SLC19A1: variants seen among roughly 807,000 people sequenced by gnomAD.
The protein encoded by SLC19A1 is reduced folate transporter.
A neutral mutation model predicts 35.3 loss-of-function variants in SLC19A1; 37 were observed. The observed-to-expected ratio is 1.05, with a 90% CI of 0.81 to 1.38. The LOEUF is 1.38. SLC19A1 is among the 40% of genes most tolerant of loss of function. The pLI is 0.00. For missense variants in SLC19A1, 831 were observed against 826.9 expected, an observed-to-expected ratio of 1.00 and a Z score of -0.06; for synonymous variants, 460 against 398.5, an observed-to-expected ratio of 1.15 and a Z score of -1.84.
chr21:45,535,591 G>T (rs2078083738), intron 2 of SLC19A1, among the ~76,000 whole-genome samples: 1 of 152,210 alleles, frequency 6.6e-6, no homozygotes, highest in Non-Finnish European at 1.5e-5. Flanking sequence ...AACGTGGGCA[G>T]CCCGTGGCAG....
chr21:45,518,650 A>G (rs994681533), intron 5 of SLC19A1, among the ~76,000 whole-genome samples: 1 of 152,228 alleles, frequency 6.6e-6, no homozygotes, highest in South Asian at 2.1e-4. Flanking sequence ...AGCAATTTGA[A>G]TAACAGTAAT....
At chr21:45,550,380 G>T (rs1157205921) in intron 1 of SLC19A1, among the ~76,000 whole-genome samples, 1 of 152,174 alleles carries the variant, frequency 6.6e-6, no homozygotes, top group African/African-American at 2.4e-5. Context: ...TGGAGATGGG[G>T]TCTTCTGTGC....
intron 1 of SLC19A1, among the ~76,000 whole-genome samples, chr21:45,539,425 C>T (rs564067188): frequency 1.3e-5 from 2 of 152,250 alleles, no homozygotes; most frequent in Non-Finnish European, 2.9e-5. Flanking sequence ...CGCCACAGGG[C>T]CGGCTTGGGA....
chr21:45,527,234 T>TG (rs1266379629), intron 4 of SLC19A1, among the ~76,000 whole-genome samples: 14 of 37,788 alleles, frequency 3.7e-4, no homozygotes, highest in East Asian at 1.6e-3. Flanking sequence ...GAGTGGCAAT[T>TG]GGGGGGGAGG....
intron 1 of SLC19A1, among the ~76,000 whole-genome samples, chr21:45,555,148 TGCAGGGGGCG>T: frequency 1.6e-5 from 1 of 64,104 alleles, no homozygotes; most frequent in Admixed American, 1.7e-4. Flanking sequence ...CAGGGGGCGG[TGCAGGGGGCG>T]GCGGGGGCGG....
chr21:45,543,500 G>A (rs2078372737), upstream of SLC19A1, among the ~76,000 whole-genome samples: 1 of 152,226 alleles, frequency 6.6e-6, no homozygotes, highest in South Asian at 2.1e-4. Flanking sequence ...CCGGAGTGTA[G>A]ACAGCACAAT....
rs1330547389 is a variant in SLC19A1 at position 45,515,025 on chromosome 21, C to T, written c.*633G>A. On this transcript the variant is annotated 3_prime_UTR_variant, in exon 6 of 6. Transcript: ENST00000311124. ...ACAGACAGGACCATGGAGGGCTGCC[C>T]TTAGGGTGGGAGAGAGGAACCAGCT... The T allele has an allele frequency of 6.5e-7, 1 of 1,539,074 alleles. No homozygotes were observed. Among genetic ancestry groups the T allele is most frequent in the South Asian group, 1.2e-5 (1 of 81,860 alleles).
At chr21:45,544,679 C>T (rs940998388), upstream of SLC19A1, among the ~76,000 whole-genome samples, 4 of 152,138 alleles carry the variant, frequency 2.6e-5, no homozygotes, top group Admixed American at 1.3e-4. Flanking sequence ...GTGTGGATCC[C>T]GGCCCTCCAG....
intron 4 of SLC19A1, among the ~76,000 whole-genome samples, chr21:45,528,790 GGAGTGACCACCTGCATCTGT>G (rs1286932460): frequency 6.6e-6 from 1 of 152,172 alleles, no homozygotes; most frequent in Non-Finnish European, 1.5e-5. Flanking sequence ...CTCATGACCG[GGAGTGACCACCTGCATCTGT>G]GAGTGACCAT....
In SLC19A1 at chr21:45,537,931, T is replaced by C. The variant is rs1214901350; in HGVS notation, c.29A>G (p.Lys10Arg). The change falls in exon 2 of 6, where the codon AAG (lysine) becomes AGG (arginine). Residue 10 changes from lysine to arginine, a missense_variant. By Grantham distance (26) the Lys-to-Arg change is conservative (BLOSUM62 2). Coordinates refer to ENST00000311124, the MANE Select transcript of SLC19A1 (RefSeq NM_194255.4). Reference sequence around the variant, plus strand: ...AGGCCCAGGTTCCACGGGCACCTGCTTCTCCACCGCTGGGCTGGAGGGCAC... The same window carrying C: ...AGGCCCAGGTTCCACGGGCACCTGCCTCTCCACCGCTGGGCTGGAGGGCAC... MVPSSPAVE[K>R]QVPVEPGPDP... The C allele has an allele frequency of 3.2e-6, 5 of 1,584,910 alleles. No individual in the cohort carries two copies. The highest frequency in any genetic ancestry group is 4.3e-6 in the Non-Finnish European group (5 of 1,169,978).
At chr21:45,503,973 A>T (rs368579448) in intron 3 of SLC19A1, 1 of 1,612,496 alleles carries the variant, frequency 6.2e-7, no homozygotes, top group East Asian at 2.2e-5. Context: ...GCTGTCAGAC[A>T]CCACCTCAGC....
Position 45,514,709 on chromosome 21 carries a change from C to A in SLC19A1, c.*949G>T, listed in dbSNP as rs112640669. On this transcript the variant is annotated 3_prime_UTR_variant, in exon 6 of 6. Coordinates refer to ENST00000311124, the MANE Select transcript of SLC19A1 (RefSeq NM_194255.4). ...GGCCGGCCCTGAATCAGAAGCCCTG[C>A]GCACACTCACTTAAGTGTGTTTAAT... 8.4e-6 allele frequency: 3 copies of A among 358,486 alleles called. No homozygotes were observed. The South Asian group carries it at 2.2e-4, about 26-fold the overall frequency. The allele number at this position is 358,486 out of a possible 1,614,324, so 22.2% of individuals were successfully genotyped here. A position where few individuals can be genotyped will look rare whatever the true frequency, so the allele number is the denominator to read the frequency against.
At position 45,530,226 on chromosome 21, in the gene SLC19A1, G is replaced by A. The variant is rs541160039; in HGVS notation, c.1151+544C>T. 8.6e-5 allele frequency among the ~76,000 whole-genome samples: 13 copies of A among 151,460 alleles called. No homozygotes were observed. The highest frequency in any genetic ancestry group is 1.6e-4 in the Non-Finnish European group (11 of 67,932). ...ATATATCCATGTGTGAACATGGTGT[G>A]TGTCCGTGTGTGTGGTGTGTTCATG... On this transcript the variant is annotated intron_variant, in intron 4 of 5. Coordinates refer to ENST00000311124, the MANE Select transcript of SLC19A1 (RefSeq NM_194255.4). This position sits in a 1 kb window ranked among gnomAD's most constrained non-coding sequence, Gnocchi z 5.3.
At chr21:45,543,568 G>A (rs1456589583), upstream of SLC19A1, among the ~76,000 whole-genome samples, 1 of 152,232 alleles carries the variant, frequency 6.6e-6, no homozygotes, top group Non-Finnish European at 1.5e-5. Context: ...CACCAGCAGG[G>A]CAACCCCACC....
intron 4 of SLC19A1, among the ~76,000 whole-genome samples, chr21:45,529,486 C>A (rs2077770636): frequency 6.6e-6 from 1 of 152,174 alleles, no homozygotes; most frequent in African/African-American, 2.4e-5. Flanking sequence ...AAAGAGGGGG[C>A]AGGTCCAGGG....
intron 1 of SLC19A1, among the ~76,000 whole-genome samples, chr21:45,542,045 C>T (rs1421278214): frequency 1.3e-5 from 2 of 150,672 alleles, no homozygotes; most frequent in Non-Finnish European, 3.0e-5. Context: ...TCCCCAGGGC[C>T]CCCCAGACCC....
chr21:45,559,400 G>A (rs2078594129), intron 1 of SLC19A1, among the ~76,000 whole-genome samples: 1 of 152,184 alleles, frequency 6.6e-6, no homozygotes, highest in African/African-American at 2.4e-5. Flanking sequence ...ACTGAAAATG[G>A]CCAGGGGTGT....
At chr21:45,557,369 T>G (rs897630765) in intron 1 of SLC19A1, among the ~76,000 whole-genome samples, 2 of 152,176 alleles carry the variant, frequency 1.3e-5, no homozygotes, top group Non-Finnish European at 2.9e-5. Flanking sequence ...CTCCTGAGGC[T>G]TCTCGTCTGC....
rs150655877 is a variant in SLC19A1, at chr21:45,506,408, G to T, written c.498-7796C>A. On this transcript the variant is annotated intron_variant, in intron 3 of 4. Transcript: ENST00000417954. ...CGCGTTATAAACACCAAGGTGGGAT[G>T]AAATGCATCCTCTCTGCTTAGCACG... The T allele has an allele frequency of 6.7e-4, 217 of 325,702 alleles. No homozygotes were observed. In the Middle Eastern group the frequency reaches 7.9e-3, roughly 12 times the overall value. The allele number at this position is 325,702 out of a possible 1,614,324, so 20.2% of individuals were successfully genotyped here.
Sources: gnomAD v4.1 joint callset for allele counts (sites outside exome capture counted in the v4.1 genomes callset) on GRCh38, gnomAD v4.1.1 for gene constraint, Gnocchi (gnomAD v3.1) non-coding constraint, MANE v1.5 for transcripts, NCBI Gene and HGNC (gene_info 2026-07-23, HGNC 2026-07-21) for gene names.